The following EYS variants were observed in gnomAD, a reference collection of about 807,000 sequenced individuals.
EYS encodes protein eyes shut homolog.
Under a neutral mutation model 282.1 loss-of-function variants are expected in EYS, and 250 were observed. The observed-to-expected ratio is 0.89, with a 90% CI of 0.80 to 0.98. The LOEUF is 0.98. Among genes scored for constraint, EYS ranks in the 50% least tolerant of loss-of-function variants. The pLI, the probability that EYS is intolerant of heterozygous loss-of-function variation, is 0.00. For missense variants in EYS, 4,016 were observed against 3,709.0 expected, an observed-to-expected ratio of 1.08 and a Z score of -2.15; for synonymous variants, 1,355 against 1,282.9, an observed-to-expected ratio of 1.06 and a Z score of -1.20.
At chr6:63,849,014 C>G (rs751180192) in intron 36 of EYS, among the ~76,000 whole-genome samples, 28 of 152,182 alleles carry the variant, frequency 1.8e-4, no homozygotes, top group Non-Finnish European at 3.2e-4. Context: ...GGGTTGTTCA[C>G]CATTACTGAA....
intron 33 of EYS, among the ~76,000 whole-genome samples, chr6:64,028,522 C>T (rs746945815): frequency 1.3e-5 from 2 of 152,132 alleles, no homozygotes; most frequent in Admixed American, 6.5e-5. Flanking sequence ...TCTCAAATAC[C>T]AGAGGAAGCA....
In EYS at chr6:65,494,855, G is replaced by A; in HGVS notation, c.556C>T (p.His186Tyr). Residue 186 changes from histidine to tyrosine, a missense_variant, in exon 4 of 43, where the codon CAT (histidine) becomes TAT (tyrosine). His to Tyr is a moderately conservative substitution (Grantham distance 83, BLOSUM62 2). Coordinates refer to ENST00000503581, the MANE Select transcript of EYS (RefSeq NM_001142800.2). Reference protein sequence around the residue: ...ESLSSEFCSGHGKCLSEAWSK... With the variant: ...ESLSSEFCSGYGKCLSEAWSK... The stretch of plus-strand genomic sequence containing the variant: ...CAAGCTTCACTAAGACATTTACCAT[G>A]ACCAGAGCAAAATTCTGAACTCAGA... 1 of 1,614,064 alleles carries A rather than the reference G, an allele frequency of 6.2e-7. No homozygotes were observed. Among genetic ancestry groups the A allele is most frequent in the Non-Finnish European group, 8.5e-7 (1 of 1,179,984 alleles).
chr6:65,519,213 T>C (rs1345101169), intron 2 of EYS, among the ~76,000 whole-genome samples: 2 of 152,008 alleles, frequency 1.3e-5, no homozygotes, highest in Non-Finnish European at 1.5e-5. Context: ...ATACAATTGA[T>C]TATTGGATTG....
chr6:64,565,002 T>C (rs1228344141), intron 26 of EYS, among the ~76,000 whole-genome samples: 1 of 152,162 alleles, frequency 6.6e-6, no homozygotes, highest in Non-Finnish European at 1.5e-5. Context: ...TTCAGATCCT[T>C]TGCGTAAATT....
intron 28 of EYS, among the ~76,000 whole-genome samples, chr6:64,395,109 G>A (rs6937680): frequency 0.89 from 135,929 of 152,072 alleles, 61,779 homozygotes; most frequent in East Asian, 0.97. Context: ...TTAGAATGGC[G>A]ATCATTAAAA....
chr6:64,955,740 C>T (rs1769681500), intron 14 of EYS, among the ~76,000 whole-genome samples: 6 of 152,182 alleles, frequency 3.9e-5, no homozygotes, highest in Admixed American at 3.3e-4. Context: ...ATAGATGCAA[C>T]GTCCCCGGGG....
intron 12 of EYS, among the ~76,000 whole-genome samples, chr6:65,230,770 CTT>C: frequency 6.6e-6 from 1 of 151,534 alleles, no homozygotes; most frequent in South Asian, 2.1e-4. Flanking sequence ...GAATATCCCT[CTT>C]TTATATGAGT....
chr6:64,936,830 T>C (rs1285683274), intron 15 of EYS, among the ~76,000 whole-genome samples: 5 of 151,394 alleles, frequency 3.3e-5, no homozygotes, highest in Non-Finnish European at 1.5e-5. Context: ...AACAAGCTGA[T>C]ACTAAAATTC....
chr6:64,055,329 A>G (rs1770946404), intron 33 of EYS, among the ~76,000 whole-genome samples: 1 of 152,172 alleles, frequency 6.6e-6, no homozygotes, highest in African/African-American at 2.4e-5. Flanking sequence ...CCATAACAAT[A>G]ATACTTTCGT....
At chr6:65,164,616 G>A (rs973720587) in intron 12 of EYS, among the ~76,000 whole-genome samples, 1 of 151,112 alleles carries the variant, frequency 6.6e-6, no homozygotes, top group Non-Finnish European at 1.5e-5. Flanking sequence ...TATTTACACT[G>A]TTTTAGAAAA....
At chr6:64,659,623 C>A (rs1239089752) in intron 22 of EYS, among the ~76,000 whole-genome samples, 6 of 152,152 alleles carry the variant, frequency 3.9e-5, no homozygotes, top group Admixed American at 1.3e-4. Flanking sequence ...AGCAAATAAA[C>A]TAGAAAATCC....
intron 2 of EYS, among the ~76,000 whole-genome samples, chr6:65,622,471 G>A (rs755549021): frequency 1.3e-5 from 2 of 151,840 alleles, no homozygotes; most frequent in African/African-American, 4.8e-5. Context: ...TAAAATAATA[G>A]TAGTAGCTAC....
chr6:64,674,138 T>C (rs1475915699), intron 22 of EYS, among the ~76,000 whole-genome samples: 3 of 152,090 alleles, frequency 2.0e-5, no homozygotes, highest in Admixed American at 2.0e-4. Flanking sequence ...CAATAAATAT[T>C]TAAAATCTAT....
intron 2 of EYS, among the ~76,000 whole-genome samples, chr6:65,525,998 A>C (rs1396054231): frequency 6.6e-6 from 1 of 152,228 alleles, no homozygotes; most frequent in Admixed American, 6.5e-5. Context: ...GGTGATTTAT[A>C]AAGAAAATAA....
chr6:64,196,536 C>T (rs973144641), intron 31 of EYS, among the ~76,000 whole-genome samples: 4 of 152,080 alleles, frequency 2.6e-5, no homozygotes, highest in Non-Finnish European at 5.9e-5. Context: ...AAATGTGGCA[C>T]ATATACACCA....
chr6:64,119,286 T>C (rs185307400), intron 31 of EYS, among the ~76,000 whole-genome samples: 41 of 152,268 alleles, frequency 2.7e-4, no homozygotes, highest in Non-Finnish European at 5.0e-4. Context: ...AATATTAAAA[T>C]AATTAGTTTA....
chr6:65,011,775 G>A (rs1184174427), intron 13 of EYS, among the ~76,000 whole-genome samples: 2 of 152,154 alleles, frequency 1.3e-5, no homozygotes, highest in Non-Finnish European at 2.9e-5. Context: ...AGTAAGGAGA[G>A]CTCACTAAAA....
chr6:65,504,989 C>T (rs1766603219), intron 2 of EYS, among the ~76,000 whole-genome samples: 1 of 151,764 alleles, frequency 6.6e-6, no homozygotes, highest in African/African-American at 2.4e-5. Context: ...GAATTGGCAT[C>T]ATTTCTTTCT....
In EYS at chr6:65,120,752, C is replaced by T. The variant is rs566913165; in HGVS notation, c.2024-63025G>A. On this transcript the variant is annotated intron_variant, in intron 12 of 42. Transcript: ENST00000503581. ...ATTCTTTTGCTCAATTTTAGCCTCTCGTTCACAGACTTTTCTTCCCCATCT... is the reference window on the plus strand; with the variant it reads ...ATTCTTTTGCTCAATTTTAGCCTCTTGTTCACAGACTTTTCTTCCCCATCT... 6.6e-4 allele frequency among the ~76,000 whole-genome samples: 101 copies of T among 152,212 alleles called. 1 individual carries two copies. In the South Asian group the frequency reaches 0.014, roughly 21 times the overall value.
Sources: allele counts gnomAD v4.1 joint callset (sites outside exome capture counted in the v4.1 genomes callset), GRCh38; gene constraint gnomAD v4.1.1; transcripts MANE v1.5; gene names NCBI Gene and HGNC (gene_info 2026-07-23, HGNC 2026-07-21).